Variants in LPP observed in about 807,000 individuals in gnomAD.
The protein encoded by LPP is LIM domain containing preferred translocation partner in lipoma, also known as lipoma-preferred partner.
In LPP, 38 loss-of-function variants were observed where a neutral mutation model predicts 60.4. That is an observed-to-expected ratio of 0.63 (90% CI 0.49 to 0.83). LPP has a LOEUF of 0.83. LPP is among the 40% of genes least tolerant of loss of function. The pLI, the probability that LPP is intolerant of heterozygous loss-of-function variation, is 0.00. For synonymous variants in LPP, 328 were observed against 290.8 expected, an observed-to-expected ratio of 1.13 and a Z score of -1.30; for missense variants, 902 against 783.6, an observed-to-expected ratio of 1.15 and a Z score of -1.80.
At chr3:188,753,476 C>A (rs1373566365) in intron 8 of LPP, among the ~76,000 whole-genome samples, 1 of 151,974 alleles carries the variant, frequency 6.6e-6, no homozygotes, top group Admixed American at 6.6e-5. Flanking sequence ...GCCAGGAGAT[C>A]ACTCAGCCTT....
chr3:188,553,353 C>T (rs1828668026), intron 6 of LPP, among the ~76,000 whole-genome samples: 1 of 152,060 alleles, frequency 6.6e-6, no homozygotes, highest in South Asian at 2.1e-4. Flanking sequence ...GGTAGACCTA[C>T]ATTAAGCAAA....
intron 2 of LPP, among the ~76,000 whole-genome samples, chr3:188,254,962 C>T (rs906251362): frequency 1.3e-5 from 2 of 152,142 alleles, no homozygotes; most frequent in African/African-American, 4.8e-5. Flanking sequence ...AAATTCTACA[C>T]CCTGACTTAC....
chr3:188,692,157 G>A lies in LPP; in HGVS notation c.1114-16110G>A, dbSNP rs138383376. Reference sequence around the variant, plus strand: ...AGCATCAAAAAATCACCACAGCCACGTTGATCCTCATTTTCTTCAGCCTCT... The same window carrying A: ...AGCATCAAAAAATCACCACAGCCACATTGATCCTCATTTTCTTCAGCCTCT... On this transcript the variant is annotated intron_variant, in intron 7 of 11. Transcript: ENST00000617246. Among the ~76,000 whole-genome samples, 42 of 152,208 alleles carry A rather than the reference G, an allele frequency of 2.8e-4. 1 individual carries two copies. Among genetic ancestry groups the A allele is most frequent in the Admixed American group, 6.5e-4 (10 of 15,284 alleles).
At chr3:188,723,899 G>A (rs1424066516) in intron 8 of LPP, among the ~76,000 whole-genome samples, 1 of 151,924 alleles carries the variant, frequency 6.6e-6, no homozygotes, top group Non-Finnish European at 1.5e-5. Flanking sequence ...AGATGGGAGA[G>A]CACATCTTTC....
chr3:188,380,805 A>T (rs184525715), intron 3 of LPP, among the ~76,000 whole-genome samples: 2 of 152,356 alleles, frequency 1.3e-5, no homozygotes, highest in East Asian at 1.9e-4. Context: ...TCATTTATCC[A>T]CCAACAATAT....
At chr3:188,456,635 C>T (rs540516049) in intron 4 of LPP, among the ~76,000 whole-genome samples, 90 of 152,248 alleles carry the variant, frequency 5.9e-4, no homozygotes, top group African/African-American at 2.0e-3. Flanking sequence ...AGAAGGATTG[C>T]GTTTCTTTTT....
intron 7 of LPP, among the ~76,000 whole-genome samples, chr3:188,674,389 C>T (rs1179116654): frequency 1.3e-5 from 2 of 152,116 alleles, no homozygotes; most frequent in Admixed American, 6.6e-5. Context: ...TCTCTTTTTA[C>T]TCATCACAGG....
chr3:188,252,135 C>T (rs1729983380), intron 2 of LPP, among the ~76,000 whole-genome samples: 1 of 130,122 alleles, frequency 7.7e-6, no homozygotes, highest in African/African-American at 2.8e-5. Flanking sequence ...TTTCCCTCCT[C>T]TCAGTAAAAC....
intron 3 of LPP, among the ~76,000 whole-genome samples, chr3:188,350,598 A>T (rs1765585239): frequency 6.6e-6 from 1 of 152,168 alleles, no homozygotes; most frequent in Non-Finnish European, 1.5e-5. Flanking sequence ...CAAGAACTCT[A>T]GCTGAAATTC....
intron 3 of LPP, among the ~76,000 whole-genome samples, chr3:188,398,714 C>T (rs777605965): frequency 4.6e-5 from 7 of 152,356 alleles, no homozygotes; most frequent in Non-Finnish European, 7.3e-5. Flanking sequence ...TGTCTTCCCA[C>T]GCCTCCACCA....
intron 1 of LPP, among the ~76,000 whole-genome samples, chr3:188,195,974 T>A (rs1729424888): frequency 6.6e-6 from 1 of 152,190 alleles, no homozygotes; most frequent in Non-Finnish European, 1.5e-5. Flanking sequence ...TGCCTCACCT[T>A]CTTTTGGCTT....
intron 4 of LPP, among the ~76,000 whole-genome samples, chr3:188,431,349 A>T (rs1387089099): frequency 1.3e-5 from 2 of 152,186 alleles, no homozygotes; most frequent in African/African-American, 4.8e-5. Flanking sequence ...AAAGACGTGT[A>T]GTTGAAAGCT....
chr3:188,240,628 A>G (rs181642473), intron 2 of LPP, among the ~76,000 whole-genome samples: 1 of 152,112 alleles, frequency 6.6e-6, no homozygotes, highest in Admixed American at 6.5e-5. Flanking sequence ...TTGGGTAGAA[A>G]CTTTCATATA....
intron 7 of LPP, among the ~76,000 whole-genome samples, chr3:188,631,164 G>A (rs2148515837): frequency 6.6e-6 from 1 of 152,022 alleles, no homozygotes; most frequent in Admixed American, 6.5e-5. Flanking sequence ...TGTATCCCCT[G>A]AAACAAAAAT....
chr3:188,304,414 GTA>G (rs1167808842), intron 2 of LPP, among the ~76,000 whole-genome samples: 1 of 152,134 alleles, frequency 6.6e-6, no homozygotes, highest in East Asian at 1.9e-4. Context: ...AGAACCAGGA[GTA>G]TAATGCGAAT....
chr3:188,582,871 T>C (rs1836572603), intron 6 of LPP, among the ~76,000 whole-genome samples: 1 of 152,204 alleles, frequency 6.6e-6, no homozygotes, highest in Non-Finnish European at 1.5e-5. Flanking sequence ...CTCCTAAATA[T>C]TTCACAATCT....
intron 6 of LPP, among the ~76,000 whole-genome samples, chr3:188,540,298 C>A (rs1421613061): frequency 6.6e-6 from 1 of 152,082 alleles, no homozygotes; most frequent in Non-Finnish European, 1.5e-5. Context: ...ATTGATATTT[C>A]TTTCTTTGCT....
intron 4 of LPP, among the ~76,000 whole-genome samples, chr3:188,461,407 T>C (rs895131146): frequency 2.6e-5 from 4 of 152,204 alleles, no homozygotes; most frequent in African/African-American, 9.7e-5. Flanking sequence ...GTAATGAATA[T>C]ATTGATATGG....
intron 6 of LPP, chr3:188,554,155 A>T (rs13075718): frequency 0.47 from 71,394 of 150,992 alleles, 17,755 homozygotes; most frequent in East Asian, 0.91. Flanking sequence ...CTTTTTTTTA[A>T]AAAAAAGAAA....
Sources: gnomAD v4.1 joint callset for allele counts (sites outside exome capture counted in the v4.1 genomes callset) on GRCh38, gnomAD v4.1.1 for gene constraint, MANE v1.5 for transcripts, NCBI Gene and HGNC (gene_info 2026-07-23, HGNC 2026-07-21) for gene names.